GFUS: variants seen among roughly 807,000 people sequenced by gnomAD.
GFUS encodes the protein 3-5 epimerase/4-reductase.
GFUS carries 42 observed loss-of-function variants against 41.5 expected under a neutral mutation model. The ratio of observed to expected loss-of-function variants is 1.01; its 90% CI spans 0.79 to 1.31. GFUS has a LOEUF of 1.31. GFUS is among the 50% of genes most tolerant of loss of function. The pLI is 0.00. For synonymous variants in GFUS, 188 were observed against 173.4 expected, an observed-to-expected ratio of 1.08 and a Z score of -0.66; for missense variants, 437 against 428.7, an observed-to-expected ratio of 1.02 and a Z score of -0.17.
rs1037064964 is a variant in GFUS at position 143,616,783 on chromosome 8, TC to T, written c.-11-61del. On this transcript the variant is annotated intron_variant, in intron 1 of 10. Coordinates refer to ENST00000425753, the MANE Select transcript of GFUS (RefSeq NM_003313.4). ...ACGCTCTCATCCTTTGGAGCCCCAC[TC>T]TTCTGTGGCAACTGGCACAGAGTGA... The T allele has an allele frequency of 1.4e-5, 22 of 1,597,576 alleles. No homozygotes were observed. The African/African-American group carries it at 2.8e-4, about 20-fold the overall frequency.
In GFUS at chr8:143,616,688, G is replaced by A; in HGVS notation, c.25C>T (p.Arg9Trp). 2 of 1,613,628 alleles carry A rather than the reference G, an allele frequency of 1.2e-6. No homozygotes were observed. Among genetic ancestry groups the A allele is most frequent in the Admixed American group, 1.7e-5 (1 of 60,004 alleles). Residue 9 changes from arginine (R) to tryptophan (W), a missense_variant, in exon 2 of 11, where the codon CGG (arginine) becomes TGG (tryptophan). Arg to Trp is a moderately radical substitution (Grantham distance 101). Coordinates refer to ENST00000425753, the MANE Select transcript of GFUS (RefSeq NM_003313.4). ...CCAGAGCCCCCTGTCACTAGAATCC[G>A]CATGGATCCCTGGGGTTCACCCATG... MGEPQGSM[R>W]ILVTGGSGLV...
intron 1 of GFUS, 107 bp from the exon 2 acceptor site, chr8:143,616,830 G>A: frequency 7.3e-7 from 1 of 1,363,568 alleles, no homozygotes; most frequent in Non-Finnish European, 1.0e-6. Context: ...GTGGGGCATA[G>A]TCCACTGGCA....
rs1402078425 is a variant in GFUS at position 143,613,794 on chromosome 8, C to T, written c.687G>A (p.Trp229Ter). ...CCACTTCATTGTACTCCCGCAGGAC[C>T]CAGATAAAGAGCTGGGCCAGGTCCT... is the stretch of plus-strand genomic sequence containing the variant. ...YSLDLAQLFI[W>*]VLREYNEVEP... The change falls in exon 8 of 11, where the codon TGG becomes TGA. Residue 229 changes from tryptophan to a stop codon, truncating the protein, a stop_gained. Coordinates refer to ENST00000425753, the MANE Select transcript of GFUS (RefSeq NM_003313.4). LOFTEE classifies it high-confidence loss of function. 1.3e-6 allele frequency: 2 copies of T among 1,550,726 alleles called. No individual in the cohort carries two copies. Among genetic ancestry groups the T allele is most frequent in the African/African-American group, 2.7e-5 (2 of 73,022 alleles).
At chr8:143,616,770 T>C (rs1016680714) in intron 1 of GFUS, 47 bp from the exon 2 acceptor site, 1 of 1,607,234 alleles carries the variant, frequency 6.2e-7, no homozygotes, top group Non-Finnish European at 8.5e-7. Context: ...GCTCTCATCC[T>C]TTGGAGCCCC....
At chr8:143,617,018 AAGAGGGG>A in intron 1 of GFUS, 1 of 418,248 alleles carries the variant, frequency 2.4e-6, no homozygotes, top group Non-Finnish European at 4.4e-6. Context: ...TCTGACTGAC[AAGAGGGG>A]AGGCAGACAA....
Position 143,614,444 on chromosome 8 carries a change from G to A in GFUS, c.474C>T (p.Phe158=). 1 of 1,612,526 alleles carries A rather than the reference G, an allele frequency of 6.2e-7. No individual in the cohort carries two copies. The highest frequency in any genetic ancestry group is 8.5e-7 in the Non-Finnish European group (1 of 1,179,104). Residue 158 remains phenylalanine (F), a synonymous_variant, in exon 6 of 11, where the codon TTC becomes TTT. Transcript: ENST00000425753. ...RMIDVQNRAY[F]QQYGCTFTAV... is the part of the protein sequence containing the mutation. ...CGGTGAAGGTGCAGCCGTACTGCTG[G>A]AAGTAGGCCCTGCGGAGGCACAGCG...
rs758407619 is a variant in GFUS, at chr8:143,616,094, A to C, written c.261+12T>G. 43 of 1,557,888 alleles carry C rather than the reference A, an allele frequency of 2.8e-5. No individual in the cohort carries two copies. Among genetic ancestry groups the C allele is most frequent in the Non-Finnish European group, 3.7e-5 (42 of 1,145,924 alleles). On this transcript the variant is annotated intron_variant, in intron 3 of 10. Coordinates refer to ENST00000425753, the MANE Select transcript of GFUS (RefSeq NM_003313.4). ...CTGGTTTCCAGTGCTTGCTGGGGCC[A>C]CCCTCACTTACCCAGAAGTCCAAAT...
At chr8:143,614,742 C>A (rs950742168) in intron 4 of GFUS, 45 bp from the exon 5 acceptor site, 1 of 1,613,066 alleles carries the variant, frequency 6.2e-7, no homozygotes, top group Non-Finnish European at 8.5e-7. Flanking sequence ...CTGGCCCTGC[C>A]CACCGGCTCC....
chr8:143,613,255 G>A lies in GFUS; in HGVS notation c.851C>T (p.Ala284Val), dbSNP rs770464558. ...GTAGGTCCTCAGCTTGCTGTTACTG[G>A]CTGTCTTCTTAAACTGCCCATCCGA... Reference protein sequence around the residue: ...TKSDGQFKKTASNSKLRTYLP... With the variant: ...TKSDGQFKKTVSNSKLRTYLP... The change falls in exon 10 of 11, where the codon GCC becomes GTC. Residue 284 changes from alanine to valine, a missense_variant. Physicochemically the swap from Ala to Val is moderately conservative, Grantham distance 64. Coordinates refer to ENST00000425753, the MANE Select transcript of GFUS (RefSeq NM_003313.4). 6.2e-7 allele frequency: 1 copy of A among 1,614,064 alleles called. No homozygotes were observed. Among genetic ancestry groups the A allele is most frequent in the East Asian group, 2.2e-5 (1 of 44,872 alleles).
chr8:143,614,460 A>G lies in GFUS; in HGVS notation c.465-7T>C. ...GTACTGCTGGAAGTAGGCCCTGCGG[A>G]GGCACAGCGTCTCCTGCCCTCGTCC... is the stretch of plus-strand genomic sequence containing the variant. On this transcript the variant is annotated splice_region_variant and splice_polypyrimidine_tract_variant and intron_variant, in intron 5 of 10. Coordinates refer to ENST00000425753, the MANE Select transcript of GFUS (RefSeq NM_003313.4). 1 of 1,608,076 alleles carries G rather than the reference A, an allele frequency of 6.2e-7. No individual in the cohort carries two copies.
At position 143,616,565 on chromosome 8, in the gene GFUS, A is replaced by T. The variant is rs1829731475; in HGVS notation, c.146+2T>A. On this transcript the variant is annotated splice_donor_variant, in intron 2 of 10. Transcript: ENST00000425753. LOFTEE classifies it high-confidence loss of function. ...GGCTGATCTGGGGATGGGCTCACTC[A>T]CGTGAGATCGGCGTCTTTAGAGGAG... The T allele has an allele frequency of 6.2e-7, 1 of 1,613,812 alleles. No individual in the cohort carries two copies. Among genetic ancestry groups the T allele is most frequent in the Admixed American group, 1.7e-5 (1 of 60,018 alleles).
chr8:143,615,575 G>A (rs1320120485), intron 3 of GFUS, among the ~76,000 whole-genome samples: 4 of 152,190 alleles, frequency 2.6e-5, no homozygotes, highest in African/African-American at 9.7e-5. Flanking sequence ...GCCAGCTAAG[G>A]CAAGGCTGCT....
At position 143,613,757 on chromosome 8, in the gene GFUS, G is replaced by T; in HGVS notation, c.724C>A (p.Leu242Ile). The stretch of plus-strand genomic sequence containing the variant: ...TGAGGGCTGAGGTACCCACCGGAGA[G>T]GATGATGGGCTCCACTTCATTGTAC... ...REYNEVEPII[L>I]SVGEEDEVSI... The change falls in exon 8 of 11, where the codon CTC (leucine) becomes ATC (isoleucine). Residue 242 changes from leucine (L) to isoleucine (I), a missense_variant. Coordinates refer to ENST00000425753, the MANE Select transcript of GFUS (RefSeq NM_003313.4). The T allele has an allele frequency of 6.4e-7, 1 of 1,551,254 alleles. No homozygotes were observed. Among genetic ancestry groups the T allele is most frequent in the Non-Finnish European group, 8.7e-7 (1 of 1,147,160 alleles).
rs1465287748 is a variant in GFUS, at chr8:143,616,723, C to G, written c.-11G>C. The G allele has an allele frequency of 6.2e-7, 1 of 1,613,468 alleles. No homozygotes were observed. The highest frequency in any genetic ancestry group is 8.5e-7 in the Non-Finnish European group (1 of 1,179,984). On this transcript the variant is annotated splice_region_variant and 5_prime_UTR_variant, in exon 2 of 11. Transcript: ENST00000425753. ...CTGGGGTTCACCCATGTCAGTTGCACCTGTAATGTCAAACAGTGGGAGGCT... is the reference window on the plus strand; with the variant it reads ...CTGGGGTTCACCCATGTCAGTTGCAGCTGTAATGTCAAACAGTGGGAGGCT...
chr8:143,616,062 TGGGATC>T (rs1829716468), intron 3 of GFUS, 38 bp downstream of exon 3: 1 of 1,489,312 alleles, frequency 6.7e-7, no homozygotes, highest in Non-Finnish European at 9.1e-7. Context: ...TCCCAGAACC[TGGGATC>T]CTGGTTTCCA....
At chr8:143,613,954 T>G in intron 7 of GFUS, 137 bp from the exon 8 acceptor site, 2 of 1,187,952 alleles carry the variant, frequency 1.7e-6, no homozygotes, top group South Asian at 2.8e-5. Context: ...CCTTTCTCCC[T>G]TGGAGCTCAG....
chr8:143,614,591 C>T (rs1829673703), intron 5 of GFUS, 33 bp downstream of exon 5: 1 of 1,565,488 alleles, frequency 6.4e-7, no homozygotes, highest in Non-Finnish European at 8.7e-7. Flanking sequence ...TCCCCGACTC[C>T]TGGCTGGGCC....
At position 143,615,012 on chromosome 8, in the gene GFUS, T is replaced by C. The variant is rs1411210492; in HGVS notation, c.262-97A>G. The C allele has an allele frequency of 5.3e-6, 8 of 1,513,572 alleles. No individual in the cohort carries two copies. The East Asian group carries it at 6.9e-5, about 13-fold the overall frequency. The allele number at this position is 1,513,572 out of a possible 1,614,324, so 93.8% of individuals were successfully genotyped here. The stretch of plus-strand genomic sequence containing the variant: ...CAGAAGTGGAGACACACCCTGGCCC[T>C]TCAGCCCTGGGAGGACCCAAGCCTG... On this transcript the variant is annotated intron_variant, in intron 3 of 10. Coordinates refer to ENST00000425753, the MANE Select transcript of GFUS (RefSeq NM_003313.4).
chr8:143,617,109 C>A (rs1829747065), intron 1 of GFUS: 1 of 227,372 alleles, frequency 4.4e-6, no homozygotes, highest in African/African-American at 2.2e-5. Flanking sequence ...GGGACAGGCA[C>A]GAGACGGCGC....
Sources: allele counts gnomAD v4.1 joint callset (sites outside exome capture counted in the v4.1 genomes callset), GRCh38; gene constraint gnomAD v4.1.1; transcripts MANE v1.5; gene names NCBI Gene and HGNC (gene_info 2026-07-23, HGNC 2026-07-21).